Variants in ENPP6 observed in about 807,000 individuals in gnomAD.
ENPP6 encodes ectonucleotide pyrophosphatase/phosphodiesterase 6.
In ENPP6, 32 loss-of-function variants were observed where a neutral mutation model predicts 42.0. That is an observed-to-expected ratio of 0.76 (90% CI 0.58 to 1.02). ENPP6 has a LOEUF of 1.02. Ranked by LOEUF, ENPP6 falls within the 50% of genes least tolerant of loss-of-function variation. ENPP6 has a pLI of 0.00. For synonymous variants in ENPP6, 213 were observed against 216.0 expected, an observed-to-expected ratio of 0.99 and a Z score of 0.12; for missense variants, 552 against 566.8, an observed-to-expected ratio of 0.97 and a Z score of 0.27.
intron 1 of ENPP6, among the ~76,000 whole-genome samples, chr4:184,210,733 G>A (rs201187797): frequency 0.28 from 41,641 of 147,026 alleles, 6,057 homozygotes; most frequent in South Asian, 0.36. Context: ...TGCACCAAGC[G>A]GACCTAATAG....
At chr4:184,133,516 T>C (rs1197239118) in intron 2 of ENPP6, among the ~76,000 whole-genome samples, 6 of 152,172 alleles carry the variant, frequency 3.9e-5, no homozygotes, top group Non-Finnish European at 5.9e-5. Flanking sequence ...TCTTTGGGGT[T>C]TTTCCAAAAC....
intron 2 of ENPP6, among the ~76,000 whole-genome samples, chr4:184,145,374 C>T (rs1736900769): frequency 1.3e-5 from 2 of 152,052 alleles, no homozygotes; most frequent in African/African-American, 4.8e-5. Context: ...TTTTTTCCTT[C>T]AACATGAAAG....
intron 6 of ENPP6, among the ~76,000 whole-genome samples, chr4:184,105,240 T>C (rs1736068935): frequency 6.6e-6 from 1 of 152,034 alleles, no homozygotes; most frequent in African/African-American, 2.4e-5. Context: ...TAAGGAAGAA[T>C]AAAAGGAGAT....
intron 1 of ENPP6, among the ~76,000 whole-genome samples, chr4:184,164,910 T>C (rs1174785098): frequency 6.6e-6 from 1 of 152,164 alleles, no homozygotes; most frequent in Non-Finnish European, 1.5e-5. Flanking sequence ...CACTGCAATC[T>C]ACTAACACTT....
intron 6 of ENPP6, among the ~76,000 whole-genome samples, chr4:184,106,262 T>C (rs1736090940): frequency 6.6e-6 from 1 of 151,994 alleles, no homozygotes; most frequent in African/African-American, 2.4e-5. Flanking sequence ...CTCGAAATCC[T>C]GACCTCAGGT....
intron 6 of ENPP6, among the ~76,000 whole-genome samples, chr4:184,112,109 T>A (rs1736204958): frequency 6.6e-6 from 1 of 152,186 alleles, no homozygotes; most frequent in Non-Finnish European, 1.5e-5. Context: ...CTCCCCACCG[T>A]GGCCTGATAT....
intron 1 of ENPP6, among the ~76,000 whole-genome samples, chr4:184,173,623 G>A (rs981910181): frequency 6.6e-6 from 1 of 152,232 alleles, no homozygotes; most frequent in Non-Finnish European, 1.5e-5. Flanking sequence ...TCTGAGGAAA[G>A]AGAAAATAGT....
chr4:184,134,662 G>GT (rs927656398), intron 2 of ENPP6, among the ~76,000 whole-genome samples: 19 of 130,550 alleles, frequency 1.5e-4, no homozygotes, highest in African/African-American at 3.1e-4. Flanking sequence ...CACTTTAACA[G>GT]TTTTTTTTTC....
At chr4:184,144,717 C>T (rs1736889915) in intron 2 of ENPP6, among the ~76,000 whole-genome samples, 1 of 152,224 alleles carries the variant, frequency 6.6e-6, no homozygotes, top group Admixed American at 6.5e-5. Context: ...GGGAAGGAAC[C>T]TTCTTCACCC....
intron 1 of ENPP6, among the ~76,000 whole-genome samples, chr4:184,175,057 C>G (rs980628161): frequency 3.3e-5 from 5 of 152,234 alleles, no homozygotes; most frequent in Non-Finnish European, 5.9e-5. Flanking sequence ...AGACCCCACT[C>G]GATGTAGTAT....
At chr4:184,171,955 A>G (rs1300333985) in intron 1 of ENPP6, among the ~76,000 whole-genome samples, 1 of 152,206 alleles carries the variant, frequency 6.6e-6, no homozygotes, top group Non-Finnish European at 1.5e-5. Context: ...AGTGAGGTGC[A>G]GTCAGCACTG....
chr4:184,174,352 A>G (rs939301318), intron 1 of ENPP6, among the ~76,000 whole-genome samples: 3 of 152,068 alleles, frequency 2.0e-5, no homozygotes, highest in Non-Finnish European at 4.4e-5. Context: ...AAGTGGGGGC[A>G]TCAGTGAACC....
chr4:184,171,401 C>G (rs1278844525), intron 1 of ENPP6, among the ~76,000 whole-genome samples: 1 of 152,246 alleles, frequency 6.6e-6, no homozygotes, highest in East Asian at 1.9e-4. Flanking sequence ...CATAGCATCA[C>G]TTCTCCTGCA....
Position 184,109,233 on chromosome 4 carries a change from C to CA in ENPP6, c.993+3438dup, listed in dbSNP as rs200685284. 2.1e-3 allele frequency among the ~76,000 whole-genome samples: 217 copies of CA among 101,642 alleles called. 2 individuals are homozygous for CA. Among genetic ancestry groups the CA allele is most frequent in the East Asian group, 0.016 (44 of 2,766 alleles). 66.7% of individuals were successfully genotyped at this position (101,642 alleles called of 152,430 possible). On this transcript the variant is annotated intron_variant, in intron 6 of 7. Coordinates refer to ENST00000296741, the MANE Select transcript of ENPP6 (RefSeq NM_153343.4). ...CTCAAAAACAAAACAACAACAACAA[C>CA]AAAAAAAAACAAAACAAACAAACAA...
At position 184,114,122 on chromosome 4, in the gene ENPP6, C is replaced by T. The variant is rs1736275804; in HGVS notation, c.856-1313G>A. 2.6e-5 allele frequency among the ~76,000 whole-genome samples: 4 copies of T among 152,170 alleles called. No homozygotes were observed. In the South Asian group the frequency reaches 8.3e-4, roughly 32 times the overall value. The stretch of plus-strand genomic sequence containing the variant: ...CTGGAACTACAGGCACCCACTGCTA[C>T]ACCCAGCTAATTTTTGTATTTTTAG... On this transcript the variant is annotated intron_variant, in intron 5 of 7. Transcript: ENST00000296741.
intron 6 of ENPP6, among the ~76,000 whole-genome samples, chr4:184,106,539 G>A (rs922420461): frequency 3.9e-5 from 6 of 152,030 alleles, no homozygotes; most frequent in Non-Finnish European, 8.8e-5. Context: ...AGCCTGGAGA[G>A]CACTTCCTCT....
At chr4:184,204,680 T>C (rs991057197) in intron 1 of ENPP6, among the ~76,000 whole-genome samples, 2 of 152,192 alleles carry the variant, frequency 1.3e-5, no homozygotes, top group African/African-American at 2.4e-5. Flanking sequence ...TGACTCTCCT[T>C]CCAGGCCTCT....
intron 1 of ENPP6, among the ~76,000 whole-genome samples, chr4:184,189,277 G>C (rs922420708): frequency 9.2e-5 from 14 of 152,206 alleles, no homozygotes; most frequent in African/African-American, 2.7e-4. Flanking sequence ...CCATTAGATA[G>C]TTCCCAAAAA....
intron 6 of ENPP6, among the ~76,000 whole-genome samples, chr4:184,103,628 G>T (rs532547499): frequency 6.6e-6 from 1 of 152,292 alleles, no homozygotes; most frequent in Admixed American, 6.5e-5. Flanking sequence ...GTCAAGATAT[G>T]GTTTCTATTA....
Sources: gnomAD v4.1 joint callset for allele counts (sites outside exome capture counted in the v4.1 genomes callset) on GRCh38, gnomAD v4.1.1 for gene constraint, MANE v1.5 for transcripts, NCBI Gene and HGNC (gene_info 2026-07-23, HGNC 2026-07-21) for gene names.